SKA1: variants seen among roughly 807,000 people sequenced by gnomAD.
The protein encoded by SKA1 is SKA complex subunit 1.
SKA1 carries 20 observed loss-of-function variants against 31.8 expected under a neutral mutation model. The observed-to-expected ratio is 0.63, with a 90% confidence interval of 0.44 to 0.91. The LOEUF is 0.91. Among genes scored for constraint, SKA1 ranks in the 40% least tolerant of loss-of-function variants. The probability of loss-of-function intolerance (pLI) is 0.00; values close to 1 mark genes in which losing one functional copy is unlikely to be tolerated. For missense variants in SKA1, 253 were observed against 298.2 expected (o/e 0.85, Z 1.12); for synonymous variants, 88 against 100.5 (o/e 0.88, Z 0.74).
intron 5 of SKA1, among the ~76,000 whole-genome samples, chr18:50,388,069 C>T (rs1238522364): frequency 6.6e-6 from 1 of 152,024 alleles, no homozygotes; most frequent in Non-Finnish European, 1.5e-5. Context: ...TCTTCTAGTT[C>T]CCATTTCTTT....
At chr18:50,376,374 C>T (rs1439868328) in intron 2 of SKA1, among the ~76,000 whole-genome samples, 1 of 152,198 alleles carries the variant, frequency 6.6e-6, no homozygotes, top group Non-Finnish European at 1.5e-5. Context: ...TAGCCTATTG[C>T]TCCTAGGCAA....
intron 4 of SKA1, among the ~76,000 whole-genome samples, chr18:50,384,870 T>TTAAAAAAAAAAAAAAAAAAAAAAAA (rs1491587048): frequency 6.5e-5 from 4 of 61,202 alleles, no homozygotes; most frequent in Admixed American, 2.0e-4. Context: ...AAAAAAAAAA[T>TTAAAAAAAAAAAAAAAAAAAAAAAA]TAAAAAAAAA....
Position 50,391,284 on chromosome 18 carries a change from G to T in SKA1, c.610G>T (p.Asp204Tyr). ...CAGATTTATTGATGAAGAAACGAAG[G>T]ATACCAAAGGTAAAATGGCAGCATA... is the stretch of plus-strand genomic sequence containing the variant. ...YHRFIDEETK[D>Y]TKGRYFIVEA... Residue 204 changes from aspartate (D) to tyrosine (Y), a missense_variant, in exon 6 of 7, where the codon GAT becomes TAT. By Grantham distance (160) the Asp-to-Tyr change is radical. Coordinates refer to ENST00000285116, the MANE Select transcript of SKA1 (RefSeq NM_145060.4). The T allele has an allele frequency of 1.3e-6, 2 of 1,589,300 alleles. No individual in the cohort carries two copies. Among genetic ancestry groups the T allele is most frequent in the Non-Finnish European group, 1.7e-6 (2 of 1,172,558 alleles).
intron 4 of SKA1, among the ~76,000 whole-genome samples, chr18:50,384,871 T>TAAAAAAG (rs2041291944): frequency 1.2e-5 from 1 of 82,600 alleles, no homozygotes; most frequent in Non-Finnish European, 2.1e-5. Context: ...AAAAAAAAAT[T>TAAAAAAG]AAAAAAAAAA....
chr18:50,380,513 A>T (rs1385630142), intron 3 of SKA1, among the ~76,000 whole-genome samples: 1 of 152,194 alleles, frequency 6.6e-6, no homozygotes, highest in African/African-American at 2.4e-5. Flanking sequence ...AATTTAAACA[A>T]TGATGTTCTA....
At chr18:50,376,412 G>A (rs1483297538) in intron 2 of SKA1, among the ~76,000 whole-genome samples, 1 of 152,174 alleles carries the variant, frequency 6.6e-6, no homozygotes, top group Admixed American at 6.5e-5. Flanking sequence ...TGACTGTACT[G>A]AATACCTTAG....
intron 2 of SKA1, among the ~76,000 whole-genome samples, chr18:50,378,457 G>A (rs888691082): frequency 3.3e-5 from 5 of 152,106 alleles, no homozygotes; most frequent in Non-Finnish European, 5.9e-5. Context: ...CAGGCGGATC[G>A]CTTGAGCTTA....
chr18:50,378,758 A>G (rs1329029369), intron 2 of SKA1, among the ~76,000 whole-genome samples: 1 of 152,154 alleles, frequency 6.6e-6, no homozygotes, highest in Non-Finnish European at 1.5e-5. Context: ...TATGGGGAAG[A>G]AATACTGTGT....
At chr18:50,382,824 G>A (rs2041273675) in intron 4 of SKA1, among the ~76,000 whole-genome samples, 1 of 152,182 alleles carries the variant, frequency 6.6e-6, no homozygotes, top group South Asian at 2.1e-4. Flanking sequence ...CTTGAGCCCA[G>A]GAGTTTGAGA....
At chr18:50,384,234 A>C (rs923368484) in intron 4 of SKA1, among the ~76,000 whole-genome samples, 2 of 152,198 alleles carry the variant, frequency 1.3e-5, no homozygotes, top group Non-Finnish European at 2.9e-5. Context: ...ATTTTACTTA[A>C]CTACACATAA....
chr18:50,382,227 G>A lies in SKA1; in HGVS notation c.311+1G>A. ...CTCAAGTAACAGTAACCCAGAGCTG[G>A]TAAGTGTATTTATAATTATTCTTGC... On this transcript the variant is annotated splice_donor_variant, in intron 4 of 6. Coordinates refer to ENST00000285116, the MANE Select transcript of SKA1 (RefSeq NM_145060.4). LOFTEE classifies it high-confidence loss of function. 2 of 1,473,032 alleles carry A rather than the reference G, an allele frequency of 1.4e-6. No individual in the cohort carries two copies. Among genetic ancestry groups the A allele is most frequent in the Non-Finnish European group, 9.1e-7 (1 of 1,104,394 alleles). The allele number at this position is 1,473,032 out of a possible 1,614,324, so 91.2% of individuals were successfully genotyped here.
chr18:50,393,429 AT>A lies in SKA1; in HGVS notation c.*1183del, dbSNP rs2041376743. 6.6e-6 allele frequency: 1 copy of A among 152,238 alleles called. No individual in the cohort carries two copies. The highest frequency in any genetic ancestry group is 6.5e-5 in the Admixed American group (1 of 15,282). 9.4% of individuals were successfully genotyped at this position (152,238 alleles called of 1,614,324 possible). On this transcript the variant is annotated 3_prime_UTR_variant, in exon 7 of 7. Transcript: ENST00000285116. The stretch of plus-strand genomic sequence containing the variant: ...GATCACTAGTGTCTAAATTCCATCG[AT>A]GGCATTTCAGTCTATAGGTAAACTT...
rs1282949593 is a variant in SKA1 at position 50,385,333 on chromosome 18, TG to T, written c.430del (p.Glu144SerfsTer9). The T allele has an allele frequency of 6.2e-7, 1 of 1,613,130 alleles. No individual in the cohort carries two copies. Among genetic ancestry groups the T allele is most frequent in the African/African-American group, 1.3e-5 (1 of 74,912 alleles). On this transcript the variant is annotated frameshift_variant, in exon 5 of 7. Coordinates refer to ENST00000285116, the MANE Select transcript of SKA1 (RefSeq NM_145060.4). LOFTEE classifies it high-confidence loss of function. ...IKEMPFITCD[E>X]FNGVPSYMKS... ...AGGAAATGCCATTTATAACTTGTGATGAGTTCAATGGTGTTCCTTCGTAAGT... is the reference window on the plus strand; with the variant it reads ...AGGAAATGCCATTTATAACTTGTGATAGTTCAATGGTGTTCCTTCGTAAGT...
rs1267554109 is a variant in SKA1 at position 50,380,142 on chromosome 18, GA to G, written c.109del (p.Thr37LeufsTer3). 1 of 1,534,872 alleles carries G rather than the reference GA, an allele frequency of 6.5e-7. No individual in the cohort carries two copies. Among genetic ancestry groups the G allele is most frequent in the African/African-American group, 1.4e-5 (1 of 69,364 alleles). ...TTATAACAGGCCAGGAACCTACCTT[GA>G]AAACTGTATTAAATAAAATAGGAGA... The part of the protein sequence containing the change: ...LRNCGQEPTL[K>X]TVLNKIGDEI... On this transcript the variant is annotated frameshift_variant, in exon 3 of 7. Transcript: ENST00000285116. LOFTEE classifies it high-confidence loss of function.
chr18:50,384,447 G>A (rs1172867783), intron 4 of SKA1, among the ~76,000 whole-genome samples: 4 of 151,986 alleles, frequency 2.6e-5, no homozygotes, highest in Non-Finnish European at 5.9e-5. Flanking sequence ...TATATTAGTC[G>A]GCTTCTCACT....
intron 4 of SKA1, 57 bp downstream of exon 4, chr18:50,382,283 T>C: frequency 9.1e-7 from 1 of 1,093,240 alleles, no homozygotes; most frequent in Admixed American, 3.0e-5. Context: ...TGAAAACAAG[T>C]TCTTCAAAGC....
At chr18:50,385,446 A>C (rs1412583684) in intron 5 of SKA1, 93 bp downstream of exon 5, 1 of 1,086,770 alleles carries the variant, frequency 9.2e-7, no homozygotes, top group Non-Finnish European at 1.3e-6. Context: ...GTAATATGCT[A>C]TGTTCAAATA....
chr18:50,385,456 A>C (rs1264304213), intron 5 of SKA1, 103 bp downstream of exon 5: 4 of 1,101,212 alleles, frequency 3.6e-6, no homozygotes, highest in Non-Finnish European at 5.0e-6. Context: ...ATGTTCAAAT[A>C]TTGATCTTTT....
chr18:50,386,291 AT>A (rs1054416243), intron 5 of SKA1, among the ~76,000 whole-genome samples: 1 of 152,108 alleles, frequency 6.6e-6, no homozygotes, highest in Admixed American at 6.6e-5. Flanking sequence ...CTGTTTTGCA[AT>A]TTTTTTATTT....
Sources: gnomAD v4.1 joint callset for allele counts (sites outside exome capture counted in the v4.1 genomes callset) on GRCh38, gnomAD v4.1.1 for gene constraint, MANE v1.5 for transcripts, NCBI Gene and HGNC (gene_info 2026-07-23, HGNC 2026-07-21) for gene names.